Variants in KCNU1 observed in about 807,000 individuals in gnomAD.
KCNU1 encodes potassium channel subfamily U member 1.
In KCNU1, 93 loss-of-function variants were observed where a neutral mutation model predicts 126.8. The ratio of observed to expected loss-of-function variants is 0.73; its 90% CI spans 0.62 to 0.87. KCNU1 has a LOEUF of 0.87. KCNU1 is among the 40% of genes least tolerant of loss of function. The pLI is 0.00. For missense variants in KCNU1, 1,330 were observed against 1,367.1 expected (o/e 0.97, Z 0.43); for synonymous variants, 523 against 494.2 (o/e 1.06, Z -0.77).
intron 23 of KCNU1, among the ~76,000 whole-genome samples, chr8:36,919,569 G>A (rs1339593225): frequency 6.6e-6 from 1 of 152,128 alleles, no homozygotes; most frequent in Non-Finnish European, 1.5e-5. Flanking sequence ...GTGCCCAAGT[G>A]CCTTTGGTGG....
At chr8:36,867,183 T>C (rs903280884) in intron 19 of KCNU1, among the ~76,000 whole-genome samples, 5 of 152,072 alleles carry the variant, frequency 3.3e-5, no homozygotes, top group African/African-American at 9.7e-5. Context: ...AAGTGCTACA[T>C]TGATGGTTCT....
intron 10 of KCNU1, among the ~76,000 whole-genome samples, chr8:36,830,073 A>G (rs1224185993): frequency 6.7e-6 from 1 of 149,544 alleles, no homozygotes; most frequent in Non-Finnish European, 1.5e-5. Flanking sequence ...AAAACAATTT[A>G]TCTTTATTTT....
intron 18 of KCNU1, among the ~76,000 whole-genome samples, chr8:36,863,739 A>C (rs375023231): frequency 2.0e-5 from 3 of 152,112 alleles, no homozygotes; most frequent in Admixed American, 6.5e-5. Flanking sequence ...CACCTGTCAC[A>C]TTTTTCCCTA....
intron 18 of KCNU1, among the ~76,000 whole-genome samples, chr8:36,851,401 CTCTCTCTCTCTG>C (rs1805343052): frequency 1.3e-5 from 2 of 151,986 alleles, no homozygotes; most frequent in Non-Finnish European, 2.9e-5. Context: ...CTCTCTCTCT[CTCTCTCTCTCTG>C]TCTCTCCTAC....
rs137979514 is a variant in KCNU1, at chr8:36,904,614, A to G, written c.2010-1094A>G. On this transcript the variant is annotated intron_variant, in intron 19 of 26. Transcript: ENST00000399881. ...TTCCCATGTTCCCCAGGCCTCTTAAAGTCAGTAGGAGCCATGTGACTAATT... is the reference window on the plus strand; with the variant it reads ...TTCCCATGTTCCCCAGGCCTCTTAAGGTCAGTAGGAGCCATGTGACTAATT... 1.1e-4 allele frequency among the ~76,000 whole-genome samples: 17 copies of G among 152,234 alleles called. No individual in the cohort carries two copies. In the East Asian group the frequency reaches 3.3e-3, roughly 29 times the overall value.
chr8:36,827,732 C>A (rs1804377501), intron 10 of KCNU1, among the ~76,000 whole-genome samples: 1 of 152,090 alleles, frequency 6.6e-6, no homozygotes, highest in African/African-American at 2.4e-5. Flanking sequence ...TGCTGATGGT[C>A]ATGTATCACA....
intron 22 of KCNU1, among the ~76,000 whole-genome samples, chr8:36,913,178 T>G (rs1409468061): frequency 6.6e-6 from 1 of 152,098 alleles, no homozygotes; most frequent in African/African-American, 2.4e-5. Context: ...ATCTAGTGAT[T>G]TTCCTACTTT....
intron 22 of KCNU1, 40 bp downstream of exon 22, chr8:36,911,159 T>C (rs1483234733): frequency 2.7e-6 from 4 of 1,490,024 alleles, no homozygotes; most frequent in African/African-American, 1.4e-5. Flanking sequence ...CTAGGACGTA[T>C]GGAAAAAAAG....
intron 19 of KCNU1, among the ~76,000 whole-genome samples, chr8:36,899,426 G>C (rs1392509410): frequency 6.6e-6 from 1 of 151,764 alleles, no homozygotes; most frequent in Admixed American, 6.6e-5. Context: ...GTTTACCTTA[G>C]AACACAGTTT....
chr8:36,837,080 G>A, intron 14 of KCNU1, 135 bp downstream of exon 14: 2 of 775,436 alleles, frequency 2.6e-6, no homozygotes, highest in South Asian at 3.6e-5. Flanking sequence ...GAGCTGGGAA[G>A]GGATTAGAAG....
At chr8:36,913,425 C>G (rs1397668575) in intron 22 of KCNU1, among the ~76,000 whole-genome samples, 1 of 151,982 alleles carries the variant, frequency 6.6e-6, no homozygotes, top group Admixed American at 6.6e-5. Flanking sequence ...TATGAGTGTG[C>G]TTACTTGAAA....
chr8:36,918,355 A>C (rs1329890920), intron 22 of KCNU1, among the ~76,000 whole-genome samples: 3 of 152,074 alleles, frequency 2.0e-5, no homozygotes, highest in Non-Finnish European at 4.4e-5. Context: ...CAGCCTGGGC[A>C]ACATAGCAAG....
At chr8:36,851,768 A>T (rs1221906242) in intron 18 of KCNU1, among the ~76,000 whole-genome samples, 1 of 152,178 alleles carries the variant, frequency 6.6e-6, no homozygotes, top group Non-Finnish European at 1.5e-5. Flanking sequence ...GTTCATTTGT[A>T]GTATATACAG....
chr8:36,876,430 A>G (rs1806280762), intron 19 of KCNU1, among the ~76,000 whole-genome samples: 1 of 152,214 alleles, frequency 6.6e-6, no homozygotes, highest in African/African-American at 2.4e-5. Flanking sequence ...CAGGAATAAG[A>G]TCACAGAAGA....
chr8:36,897,366 G>A (rs1807237716), intron 19 of KCNU1, among the ~76,000 whole-genome samples: 1 of 151,584 alleles, frequency 6.6e-6, no homozygotes, highest in East Asian at 1.9e-4. Context: ...CTGCAACTAA[G>A]TACAAAACAT....
chr8:36,823,831 C>G (rs1201559793), intron 10 of KCNU1, among the ~76,000 whole-genome samples: 1 of 142,376 alleles, frequency 7.0e-6, no homozygotes, highest in African/African-American at 2.6e-5. Context: ...TCTCCTTGTT[C>G]AAACCTTTTT....
chr8:36,905,842 A>T lies in KCNU1; in HGVS notation c.2106+38A>T, dbSNP rs369238231. The T allele has an allele frequency of 6.1e-6, 6 of 989,882 alleles. No individual in the cohort carries two copies. In the African/African-American group the frequency reaches 9.9e-5, roughly 16 times the overall value. 61.3% of individuals were successfully genotyped at this position (989,882 alleles called of 1,614,324 possible). A position where few individuals can be genotyped will look rare whatever the true frequency, so the allele number is the denominator to read the frequency against. On this transcript the variant is annotated intron_variant, in intron 20 of 26. Coordinates refer to ENST00000399881, the MANE Select transcript of KCNU1 (RefSeq NM_001031836.3). ...GCATCATCAAATCTCAAATAAGATA[A>T]AGCATTTCGTAGGGTAAGTGATGTT...
chr8:36,831,366 G>T (rs377572664), intron 10 of KCNU1, among the ~76,000 whole-genome samples: 7 of 151,100 alleles, frequency 4.6e-5, no homozygotes, highest in African/African-American at 1.5e-4. Flanking sequence ...CTAGTTTACA[G>T]TCCCACCAAC....
At chr8:36,840,122 C>G (rs532799366) in intron 14 of KCNU1, among the ~76,000 whole-genome samples, 2 of 152,276 alleles carry the variant, frequency 1.3e-5, no homozygotes, top group South Asian at 4.1e-4. Flanking sequence ...AATTTAGATT[C>G]CACATTAACT....
Sources: gnomAD v4.1 joint callset for allele counts (sites outside exome capture counted in the v4.1 genomes callset) on GRCh38, gnomAD v4.1.1 for gene constraint, MANE v1.5 for transcripts, NCBI Gene and HGNC (gene_info 2026-07-23, HGNC 2026-07-21) for gene names.